RREB1: variants seen among roughly 807,000 people sequenced by gnomAD.
The protein encoded by RREB1 is ras responsive element binding protein 1.
A neutral mutation model predicts 117.8 loss-of-function variants in RREB1; 27 were observed. The ratio of observed to expected loss-of-function variants is 0.23; its 90% confidence interval spans 0.17 to 0.32. The LOEUF (loss-of-function observed/expected upper bound fraction) is 0.32, where lower values mean the gene tolerates loss of function less well. Ranked by LOEUF, RREB1 falls within the 10% of genes least tolerant of loss-of-function variation. The probability of loss-of-function intolerance (pLI) is 1.00; values close to 1 mark genes in which losing one functional copy is unlikely to be tolerated. For missense variants in RREB1, 2,577 were observed against 2,378.2 expected (o/e 1.08, Z -1.74); for synonymous variants, 1,298 against 1,026.7 (o/e 1.26, Z -5.05).
At chr6:7,108,883 C>T (rs1015807167) in intron 1 of RREB1, among the ~76,000 whole-genome samples, 2 of 151,692 alleles carry the variant, frequency 1.3e-5, no homozygotes, top group African/African-American at 4.8e-5. Flanking sequence ...GTCGTGGTCA[C>T]GCCGACCACC....
chr6:7,184,025 A>G (rs2113536683), intron 4 of RREB1: 1 of 152,262 alleles, frequency 6.6e-6, no homozygotes, highest in South Asian at 2.1e-4. Flanking sequence ...TGCTCCTTCC[A>G]CCAGCATGGC....
At chr6:7,198,346 C>G (rs936725155) in intron 6 of RREB1, among the ~76,000 whole-genome samples, 2 of 152,204 alleles carry the variant, frequency 1.3e-5, no homozygotes, top group East Asian at 1.9e-4. Flanking sequence ...CTGTGGGTCA[C>G]CCTGCCCCGG....
At chr6:7,149,543 C>T (rs1324858169) in intron 1 of RREB1, among the ~76,000 whole-genome samples, 1 of 152,136 alleles carries the variant, frequency 6.6e-6, no homozygotes, top group Non-Finnish European at 1.5e-5. Context: ...TTCATTTTAC[C>T]CAGTGTTCTT....
At chr6:7,191,923 T>A (rs1488452309) in intron 6 of RREB1, among the ~76,000 whole-genome samples, 2 of 152,240 alleles carry the variant, frequency 1.3e-5, no homozygotes, top group African/African-American at 4.8e-5. Flanking sequence ...CAATGTCAAA[T>A]AGAAGTGAAG....
At position 7,123,235 on chromosome 6, in the gene RREB1, G is replaced by T. The variant is rs148467934; in HGVS notation, c.-285+15175G>T. Among the ~76,000 whole-genome samples, 627 of 151,926 alleles carry T rather than the reference G, an allele frequency of 4.1e-3. 4 individuals carry two copies. Among genetic ancestry groups the T allele is most frequent in the African/African-American group, 0.014 (597 of 41,374 alleles). ...TACAATGGTGCAATCTCGTCTCACTGCAACTTCCACCTCCCGGGTTCAAGC... is the reference window on the plus strand; with the variant it reads ...TACAATGGTGCAATCTCGTCTCACTTCAACTTCCACCTCCCGGGTTCAAGC... On this transcript the variant is annotated intron_variant, in intron 1 of 12. Transcript: ENST00000379938.
In RREB1 at chr6:7,231,258, G is replaced by A. The variant is rs1266176658; in HGVS notation, c.3159G>A (p.Leu1053=). 1.2e-6 allele frequency: 2 copies of A among 1,612,226 alleles called. No individual in the cohort carries two copies. The highest frequency in any genetic ancestry group is 8.5e-7 in the Non-Finnish European group (1 of 1,179,522). Residue 1053 remains leucine (L), a synonymous_variant, in exon 10 of 13, where the codon TTG becomes TTA. Coordinates refer to ENST00000379938, the MANE Select transcript of RREB1 (RefSeq NM_001003699.4). ...RPLRPKPPLL[L]PKPPVTEELP... ...TGCGGCCCAAGCCCCCGCTGCTTTT[G>A]CCAAAGCCCCCCGTGACAGAAGAGC...
At position 7,120,679 on chromosome 6, in the gene RREB1, T is replaced by G. The variant is rs866722037; in HGVS notation, c.-285+12619T>G. Among the ~76,000 whole-genome samples the G allele has an allele frequency of 4.6e-5, 7 of 151,892 alleles. 1 individual carries two copies. In the South Asian group the frequency reaches 1.5e-3, roughly 32 times the overall value. On this transcript the variant is annotated intron_variant, in intron 1 of 12. Coordinates refer to ENST00000379938, the MANE Select transcript of RREB1 (RefSeq NM_001003699.4). ...TTTTAGATGAGATGTACACCTATTT[T>G]TTTTTTTTTTGAGACAAGGCCTCGC...
In RREB1 at chr6:7,210,883, T is replaced by C; in HGVS notation, c.505T>C (p.Ser169Pro). ...ATCTCCTCTGAAACGTAGGCGATTG[T>C]CCTCCAAGAGGAAACTGAGTCACGA... ...PPSPLKRRRL[S>P]SKRKLSHDAE... The change falls in exon 7 of 13, where the codon TCC (serine) becomes CCC (proline). Residue 169 changes from serine to proline, a missense_variant. Transcript: ENST00000379938. 6.2e-7 allele frequency: 1 copy of C among 1,614,176 alleles called. No homozygotes were observed. Among genetic ancestry groups the C allele is most frequent in the Non-Finnish European group, 8.5e-7 (1 of 1,179,994 alleles).
intron 10 of RREB1, 86 bp from the exon 11 acceptor site, chr6:7,240,352 T>C (rs1768623974): frequency 9.3e-7 from 1 of 1,072,976 alleles, no homozygotes; most frequent in East Asian, 2.5e-5. Context: ...CAACTGCCAA[T>C]GATCCCAGGA....
At position 7,247,039 on chromosome 6, in the gene RREB1, C is replaced by T. The variant is rs116238548; in HGVS notation, c.4589C>T (p.Ser1530Phe). Residue 1530 changes from serine to phenylalanine, a missense_variant, in exon 12 of 13, where the codon TCC becomes TTC. Physicochemically the swap from Ser to Phe is radical, Grantham distance 155. Coordinates refer to ENST00000379938, the MANE Select transcript of RREB1 (RefSeq NM_001003699.4). ...CTCGCGGAGGAGACGGAGGGCCCCTCCGACGGGGAGAGCGCGGCCGAGAAA... is the reference window on the plus strand; with the variant it reads ...CTCGCGGAGGAGACGGAGGGCCCCTTCGACGGGGAGAGCGCGGCCGAGAAA... The part of the protein sequence containing the change: ...EKLAEETEGP[S>F]DGESAAEKRS... 6.3e-5 allele frequency: 101 copies of T among 1,612,750 alleles called. No individual in the cohort carries two copies. In the East Asian group the frequency reaches 2.0e-3, roughly 32 times the overall value.
At chr6:7,224,941 G>C (rs1328235687) in intron 8 of RREB1, among the ~76,000 whole-genome samples, 1 of 152,098 alleles carries the variant, frequency 6.6e-6, no homozygotes, top group African/African-American at 2.4e-5. Context: ...TTCCTGAACA[G>C]GGGAGCCAGG....
chr6:7,149,311 A>G (rs1053746961), intron 1 of RREB1, among the ~76,000 whole-genome samples: 5 of 152,348 alleles, frequency 3.3e-5, no homozygotes, highest in African/African-American at 1.2e-4. Flanking sequence ...AAATGATACC[A>G]AAGATCCCTA....
At chr6:7,199,397 C>T (rs1765824162) in intron 6 of RREB1, among the ~76,000 whole-genome samples, 1 of 152,182 alleles carries the variant, frequency 6.6e-6, no homozygotes, top group Non-Finnish European at 1.5e-5. Context: ...GTTCCTTATA[C>T]ATACTAGTTC....
At chr6:7,119,776 G>T (rs1561726029) in intron 1 of RREB1, among the ~76,000 whole-genome samples, 1 of 152,224 alleles carries the variant, frequency 6.6e-6, no homozygotes, top group East Asian at 1.9e-4. Context: ...ACCCAGAGTT[G>T]AGAATAGACC....
intron 12 of RREB1, among the ~76,000 whole-genome samples, chr6:7,248,053 C>G (rs967227077): frequency 1.3e-5 from 2 of 152,216 alleles, no homozygotes; most frequent in South Asian, 2.1e-4. Context: ...TGGGCCCTGC[C>G]CTGGGCCTGG....
At chr6:7,223,070 C>T (rs1032481184) in intron 8 of RREB1, among the ~76,000 whole-genome samples, 4 of 151,892 alleles carry the variant, frequency 2.6e-5, no homozygotes, top group South Asian at 2.1e-4. Flanking sequence ...GCCTAGGCAA[C>T]ATGGTGACAC....
At position 7,229,094 on chromosome 6, in the gene RREB1, C is replaced by T. The variant is rs774942973; in HGVS notation, c.995C>T (p.Ala332Val). The change falls in exon 10 of 13, where the codon GCT (alanine) becomes GTT (valine). Residue 332 changes from alanine (A) to valine (V), a missense_variant. Physicochemically the swap from Ala to Val is moderately conservative, Grantham distance 64. Transcript: ENST00000379938. This position sits in a 1 kb window ranked among gnomAD's most constrained non-coding sequence, Gnocchi z 4.5. ...GCGTTCCCCATGCTCTGCTCACTGG[C>T]TCTGCACAAGCAGACCCATGTGGCG... The part of the protein sequence containing the change: ...DKAFPMLCSL[A>V]LHKQTHVAAD... The T allele has an allele frequency of 4.6e-5, 73 of 1,601,972 alleles. No individual in the cohort carries two copies. Among genetic ancestry groups the T allele is most frequent in the Non-Finnish European group, 5.6e-5 (65 of 1,170,516 alleles).
intron 1 of RREB1, among the ~76,000 whole-genome samples, chr6:7,175,392 G>C (rs1299012344): frequency 6.6e-6 from 1 of 152,056 alleles, no homozygotes; most frequent in African/African-American, 2.4e-5. Context: ...ATAATGTCCA[G>C]TTTGAGGGTC....
intron 6 of RREB1, among the ~76,000 whole-genome samples, chr6:7,195,710 T>G (rs1765630152): frequency 6.6e-6 from 1 of 152,184 alleles, no homozygotes; most frequent in Non-Finnish European, 1.5e-5. Flanking sequence ...TGCACAGGAA[T>G]TCCCTCATGG....
Sources: gnomAD v4.1 joint callset for allele counts (sites outside exome capture counted in the v4.1 genomes callset) on GRCh38, gnomAD v4.1.1 for gene constraint, Gnocchi (gnomAD v3.1) non-coding constraint, MANE v1.5 for transcripts, NCBI Gene and HGNC (gene_info 2026-07-23, HGNC 2026-07-21) for gene names.